The following LEPR variants were observed in gnomAD, a reference collection of about 807,000 sequenced individuals.
LEPR encodes the protein OB receptor.
A neutral mutation model predicts 114.7 loss-of-function variants in LEPR; 56 were observed. The observed-to-expected ratio is 0.49, with a 90% CI of 0.39 to 0.61. The LOEUF (loss-of-function observed/expected upper bound fraction) is 0.61, where lower values mean the gene tolerates loss of function less well. Among genes scored for constraint, LEPR ranks in the 20% least tolerant of loss-of-function variants. The pLI, the probability that LEPR is intolerant of heterozygous loss-of-function variation, is 0.00. For missense variants in LEPR, 1,202 were observed against 1,352.9 expected (o/e 0.89, Z 1.75); for synonymous variants, 443 against 461.4 (o/e 0.96, Z 0.51).
intron 2 of LEPR, among the ~76,000 whole-genome samples, chr1:65,475,050 T>C (rs1647140767): frequency 8.4e-6 from 1 of 119,640 alleles, no homozygotes; most frequent in Non-Finnish European, 2.0e-5. Context: ...AATAATCATT[T>C]TGAAAGGTGA....
At chr1:65,465,501 G>A (rs918009831) in intron 2 of LEPR, among the ~76,000 whole-genome samples, 1 of 152,198 alleles carries the variant, frequency 6.6e-6, no homozygotes, top group Admixed American at 6.5e-5. Context: ...TGTATATTCT[G>A]TTGATTTGGG....
At chr1:65,567,028 TA>T (rs1392813230) in intron 3 of LEPR, among the ~76,000 whole-genome samples, 4 of 152,244 alleles carry the variant, frequency 2.6e-5, no homozygotes. Flanking sequence ...TCTAGTGTTT[TA>T]CATTGACTTT....
At chr1:65,443,704 T>G (rs1646678194) in intron 2 of LEPR, among the ~76,000 whole-genome samples, 1 of 152,182 alleles carries the variant, frequency 6.6e-6, no homozygotes, top group African/African-American at 2.4e-5. Flanking sequence ...GAATAGTGCC[T>G]GACACTGTGG....
At position 65,640,324 on chromosome 1, in the gene LEPR, T is replaced by G. The variant is rs1658827159; in HGVS notation, c.*3309T>G. The stretch of plus-strand genomic sequence containing the variant: ...ATGTGGATGAAAAAAGATCTCTTGC[T>G]AAATTATTTTCTGTGACCTTAAAAG... On this transcript the variant is annotated 3_prime_UTR_variant, in exon 20 of 20. Transcript: ENST00000349533. 6.6e-6 allele frequency: 1 copy of G among 152,228 alleles called. No homozygotes were observed. The highest frequency in any genetic ancestry group is 1.5e-5 in the Non-Finnish European group (1 of 68,042). 9.4% of individuals were successfully genotyped at this position (152,228 alleles called of 1,614,324 possible). A position where few individuals can be genotyped will look rare whatever the true frequency, so the allele number is the denominator to read the frequency against.
intron 11 of LEPR, among the ~76,000 whole-genome samples, chr1:65,608,529 A>G (rs896184298): frequency 6.6e-6 from 1 of 152,190 alleles, no homozygotes; most frequent in Non-Finnish European, 1.5e-5. Flanking sequence ...AACATGAATA[A>G]TGTATTGACT....
chr1:65,432,172 G>A, intron 2 of LEPR: 1 of 1,136,332 alleles, frequency 8.8e-7, no homozygotes, highest in Non-Finnish European at 1.1e-6. Flanking sequence ...GGTGCTCTCA[G>A]AAAATATATT....
At chr1:65,590,499 C>T (rs1027513130) in intron 5 of LEPR, among the ~76,000 whole-genome samples, 20 of 151,462 alleles carry the variant, frequency 1.3e-4, no homozygotes, top group Non-Finnish European at 2.7e-4. Flanking sequence ...TGGCGGTTAC[C>T]TCCATGATAA....
intron 2 of LEPR, among the ~76,000 whole-genome samples, chr1:65,518,944 TTTC>T (rs1649470472): frequency 1.3e-5 from 2 of 150,884 alleles, no homozygotes; most frequent in Non-Finnish European, 3.0e-5. Flanking sequence ...TTTCTTTCTC[TTTC>T]TTCTTTCTTC....
rs1646095720 is a variant in LEPR at position 65,466,473 on chromosome 1, C to T, written c.-21+41095C>T. Among the ~76,000 whole-genome samples, 5 of 152,126 alleles carry T rather than the reference C, an allele frequency of 3.3e-5. No individual in the cohort carries two copies. In the South Asian group the frequency reaches 1.0e-3, roughly 32 times the overall value. ...GCCCTTAACATTTTTTCCTTCATTT[C>T]GACCTTGGTGAATCTGACAATTAAT... is the stretch of plus-strand genomic sequence containing the variant. On this transcript the variant is annotated intron_variant, in intron 2 of 19. Transcript: ENST00000349533.
intron 19 of LEPR, chr1:65,634,822 A>G: frequency 2.2e-6 from 2 of 901,686 alleles, no homozygotes; most frequent in Non-Finnish European, 2.7e-6. Flanking sequence ...CTTAAGAAAA[A>G]AGAAAATGAG....
chr1:65,479,922 AAAC>A (rs931935411), intron 2 of LEPR, among the ~76,000 whole-genome samples: 17 of 99,806 alleles, frequency 1.7e-4, no homozygotes, highest in African/African-American at 9.4e-4. Flanking sequence ...ACAAGACAAA[AAAC>A]AAACAAACAA....
rs567056361 is a variant in LEPR, at chr1:65,515,197, T to C, written c.-20-50349T>C. 1.4e-4 allele frequency among the ~76,000 whole-genome samples: 22 copies of C among 152,270 alleles called. 1 individual carries two copies. The highest frequency in any genetic ancestry group is 5.3e-4 in the African/African-American group (22 of 41,566). On this transcript the variant is annotated intron_variant, in intron 2 of 19. Transcript: ENST00000349533. Reference sequence around the variant, plus strand: ...AACAAAACCAGGAAGTGAAAATAAATGCAAAGATGCTCTTAAGTCACTGTG... The same window carrying C: ...AACAAAACCAGGAAGTGAAAATAAACGCAAAGATGCTCTTAAGTCACTGTG...
chr1:65,500,699 A>G (rs1557626506), intron 2 of LEPR, among the ~76,000 whole-genome samples: 2 of 152,172 alleles, frequency 1.3e-5, no homozygotes, highest in Non-Finnish European at 2.9e-5. Context: ...TTAATTGACA[A>G]CATTATTTGT....
intron 5 of LEPR, among the ~76,000 whole-genome samples, chr1:65,588,818 T>G (rs978690262): frequency 6.6e-6 from 1 of 152,158 alleles, no homozygotes; most frequent in Non-Finnish European, 1.5e-5. Context: ...TGCAATTTGT[T>G]CATCCATTCA....
At chr1:65,516,950 C>T (rs1171275) in intron 2 of LEPR, among the ~76,000 whole-genome samples, 31,260 of 152,056 alleles carry the variant, frequency 0.21, 3,600 homozygotes, top group Middle Eastern at 0.33. Context: ...TGTAGCAACA[C>T]GAAATCGCAA....
chr1:65,503,635 A>T (rs985006944), intron 2 of LEPR, among the ~76,000 whole-genome samples: 4 of 152,176 alleles, frequency 2.6e-5, no homozygotes, highest in Non-Finnish European at 5.9e-5. Context: ...CTCACTGTTG[A>T]AGTGGGAGCT....
At chr1:65,502,137 G>A (rs1352640142) in intron 2 of LEPR, among the ~76,000 whole-genome samples, 1 of 152,052 alleles carries the variant, frequency 6.6e-6, no homozygotes, top group Admixed American at 6.6e-5. Context: ...ACATCAGAAG[G>A]TAACTGTATT....
At chr1:65,504,854 G>A (rs1648642128) in intron 2 of LEPR, among the ~76,000 whole-genome samples, 1 of 152,026 alleles carries the variant, frequency 6.6e-6, no homozygotes, top group Admixed American at 6.6e-5. Context: ...TGAAGTATAT[G>A]GGAATTCTAC....
At chr1:65,428,287 G>A (rs913516475) in intron 2 of LEPR, among the ~76,000 whole-genome samples, 2 of 152,144 alleles carry the variant, frequency 1.3e-5, no homozygotes, top group African/African-American at 2.4e-5. Context: ...AAAACATAGA[G>A]TCAGATTGTT....
Sources: gnomAD v4.1 joint callset for allele counts (sites outside exome capture counted in the v4.1 genomes callset) on GRCh38, gnomAD v4.1.1 for gene constraint, MANE v1.5 for transcripts, NCBI Gene and HGNC (gene_info 2026-07-23, HGNC 2026-07-21) for gene names.